The following SLC25A48 variants were observed in gnomAD, a reference collection of about 807,000 sequenced individuals.
SLC25A48 encodes CTC-321K16.1.
A neutral mutation model predicts 32.2 loss-of-function variants in SLC25A48; 29 were observed. The observed-to-expected ratio is 0.90, with a 90% CI of 0.67 to 1.23. The LOEUF (loss-of-function observed/expected upper bound fraction) is 1.23, where lower values mean the gene tolerates loss of function less well. SLC25A48 is among the 50% of genes most tolerant of loss of function. SLC25A48 has a pLI of 0.00. For missense variants in SLC25A48, 399 were observed against 422.7 expected (o/e 0.94, Z 0.49); for synonymous variants, 164 against 172.3 (o/e 0.95, Z 0.38).
At chr5:135,813,182 C>T (rs1388147584) in intron 4 of SLC25A48, 1 of 152,608 alleles carries the variant, frequency 6.6e-6, no homozygotes, top group Non-Finnish European at 1.5e-5. Flanking sequence ...CCTAATACCA[C>T]TCACCCTCTG....
At chr5:135,706,702 C>T (rs1377889331) in intron 3 of SLC25A48, among the ~76,000 whole-genome samples, 1 of 152,030 alleles carries the variant, frequency 6.6e-6, no homozygotes, top group African/African-American at 2.4e-5. Flanking sequence ...GAGGGAGCCC[C>T]CTGGGAGGAC....
At chr5:135,649,734 ACAGGCATTGAAGATG>A (rs2126924043) in intron 3 of SLC25A48, 1 of 153,024 alleles carries the variant, frequency 6.5e-6, no homozygotes, top group African/African-American at 2.4e-5. Flanking sequence ...GTGAGGGAAT[ACAGGCATTGAAGATG>A]CACATGCAGG....
At chr5:135,675,039 A>G (rs1753736611) in intron 3 of SLC25A48, among the ~76,000 whole-genome samples, 2 of 151,812 alleles carry the variant, frequency 1.3e-5, no homozygotes, top group African/African-American at 4.8e-5. Flanking sequence ...TCTTTTTAAT[A>G]ATAGCTATTC....
At chr5:135,835,078 C>G (rs1758383521) in intron 1 of SLC25A48, 185 bp downstream of exon 1, 3 of 748,508 alleles carry the variant, frequency 4.0e-6, no homozygotes, top group Non-Finnish European at 7.2e-6. Flanking sequence ...GGGCTAAATT[C>G]TGAGAGCTTC....
At chr5:135,681,543 G>A (rs1035745309) in intron 3 of SLC25A48, among the ~76,000 whole-genome samples, 5 of 152,062 alleles carry the variant, frequency 3.3e-5, no homozygotes, top group African/African-American at 9.7e-5. Flanking sequence ...TTATTTCTGT[G>A]TGTTTCTTTT....
At chr5:135,613,173 G>T (rs1752111586) in intron 1 of SLC25A48, among the ~76,000 whole-genome samples, 1 of 152,114 alleles carries the variant, frequency 6.6e-6, no homozygotes, top group Non-Finnish European at 1.5e-5. Context: ...CTGGTGATTA[G>T]TGATGCTGAT....
At chr5:135,708,563 G>T (rs575786604) in intron 3 of SLC25A48, among the ~76,000 whole-genome samples, 2 of 152,212 alleles carry the variant, frequency 1.3e-5, no homozygotes, top group South Asian at 2.1e-4. Context: ...CTGTGTTAAT[G>T]GTGGAGTGTC....
intron 1 of SLC25A48, among the ~76,000 whole-genome samples, chr5:135,612,469 A>G (rs1002052233): frequency 3.3e-5 from 5 of 152,182 alleles, no homozygotes; most frequent in Non-Finnish European, 7.3e-5. Context: ...ATTAGAACTT[A>G]TAACTTCTAT....
intron 3 of SLC25A48, among the ~76,000 whole-genome samples, chr5:135,801,842 C>T (rs922275818): frequency 6.6e-6 from 1 of 151,378 alleles, no homozygotes; most frequent in Non-Finnish European, 1.5e-5. Context: ...TCATATTGTT[C>T]GTATTATCCG....
In SLC25A48 at chr5:135,802,831, C is replaced by T. The variant is rs138655926; in HGVS notation, c.-520-9692C>T. Among the ~76,000 whole-genome samples, 337 of 149,272 alleles carry T rather than the reference C, an allele frequency of 2.3e-3. 1 individual carries two copies. Among genetic ancestry groups the T allele is most frequent in the African/African-American group, 8.2e-3 (332 of 40,474 alleles). On this transcript the variant is annotated intron_variant, in intron 3 of 10. Coordinates refer to the SLC25A48 transcript ENST00000646290. ...TGTAATATCCTAGGGAAATATTACT[C>T]CTAGTATCACAGTAGGGGTACACCA...
intron 3 of SLC25A48, among the ~76,000 whole-genome samples, chr5:135,851,816 T>C (rs972528568): frequency 6.6e-6 from 1 of 152,084 alleles, no homozygotes; most frequent in Non-Finnish European, 1.5e-5. Context: ...ATCTGTGGTG[T>C]TCATCAAGAA....
intron 1 of SLC25A48, 119 bp downstream of exon 1, chr5:135,835,012 G>T: frequency 7.7e-7 from 1 of 1,301,854 alleles, no homozygotes; most frequent in South Asian, 1.3e-5. Context: ...TGTGCGCGCA[G>T]CCTGCTTTGG....
chr5:135,877,473 A>G (rs1762142316), intron 6 of SLC25A48, among the ~76,000 whole-genome samples: 1 of 151,892 alleles, frequency 6.6e-6, no homozygotes, highest in South Asian at 2.1e-4. Flanking sequence ...GGAAACCTGA[A>G]CTGCAGGCAC....
intron 1 of SLC25A48, among the ~76,000 whole-genome samples, chr5:135,600,106 C>T (rs1475264259): frequency 6.6e-6 from 1 of 152,194 alleles, no homozygotes; most frequent in African/African-American, 2.4e-5. Context: ...CTCATTACAG[C>T]TTTTCATGCT....
intron 3 of SLC25A48, among the ~76,000 whole-genome samples, chr5:135,645,388 T>C (rs1470908626): frequency 6.6e-6 from 1 of 152,242 alleles, no homozygotes; most frequent in East Asian, 1.9e-4. Flanking sequence ...ACCATCAGCG[T>C]CTCAGCTGTG....
intron 1 of SLC25A48, among the ~76,000 whole-genome samples, chr5:135,623,059 A>G (rs1054262161): frequency 1.1e-4 from 17 of 152,220 alleles, no homozygotes; most frequent in Admixed American, 9.2e-4. Flanking sequence ...CTGGGCGCAA[A>G]TGAAATCTGT....
At chr5:135,632,549 G>A (rs1475327821) in intron 2 of SLC25A48, among the ~76,000 whole-genome samples, 1 of 152,188 alleles carries the variant, frequency 6.6e-6, no homozygotes, top group African/African-American at 2.4e-5. Flanking sequence ...AGTCAAGGTT[G>A]ATTCTGGCCT....
At chr5:135,814,271 T>C (rs543347188) in intron 4 of SLC25A48, among the ~76,000 whole-genome samples, 4 of 152,286 alleles carry the variant, frequency 2.6e-5, no homozygotes, top group Admixed American at 6.5e-5. Flanking sequence ...CTTAGATCCA[T>C]TCCCTGAAGA....
At chr5:135,874,637 C>T (rs1229830268) in intron 6 of SLC25A48, 3 of 696,626 alleles carry the variant, frequency 4.3e-6, no homozygotes, top group South Asian at 3.0e-5. Context: ...TGAGCCCTGA[C>T]CCCAGACCTC....
Sources: gnomAD v4.1 joint callset for allele counts (sites outside exome capture counted in the v4.1 genomes callset) on GRCh38, gnomAD v4.1.1 for gene constraint, MANE v1.5 for transcripts, NCBI Gene and HGNC (gene_info 2026-07-23, HGNC 2026-07-21) for gene names.